Variants in RHOBTB1 observed in about 807,000 individuals in gnomAD.
RHOBTB1 encodes rho-related BTB domain-containing protein 1.
RHOBTB1 carries 40 observed loss-of-function variants against 71.6 expected under a neutral mutation model. That is an observed-to-expected ratio of 0.56 (90% CI 0.43 to 0.73). The LOEUF (loss-of-function observed/expected upper bound fraction) is 0.73. Ranked by LOEUF, RHOBTB1 falls within the 30% of genes least tolerant of loss-of-function variation. RHOBTB1 has a pLI of 0.00. For synonymous variants in RHOBTB1, 319 were observed against 334.9 expected, an observed-to-expected ratio of 0.95 and a Z score of 0.52; for missense variants, 797 against 894.0, an observed-to-expected ratio of 0.89 and a Z score of 1.38.
chr10:60,950,508 G>C (rs2085374627), intron 2 of RHOBTB1, among the ~76,000 whole-genome samples: 1 of 152,152 alleles, frequency 6.6e-6, no homozygotes, highest in Non-Finnish European at 1.5e-5. Context: ...AGGGATCAGA[G>C]GGTAACAGAA....
At chr10:60,866,131 C>T (rs1191378967), downstream of RHOBTB1, among the ~76,000 whole-genome samples, 1 of 152,180 alleles carries the variant, frequency 6.6e-6, no homozygotes. Flanking sequence ...TGTGCCCAGC[C>T]TGGAATTCAT....
At chr10:60,912,421 A>G (rs2083041338) in intron 2 of RHOBTB1, among the ~76,000 whole-genome samples, 1 of 151,934 alleles carries the variant, frequency 6.6e-6, no homozygotes, top group Admixed American at 6.6e-5. Context: ...TTTAGTAGAG[A>G]TGGGGTTTTA....
At chr10:60,864,088 C>G in the RHOBTB1 span, among the ~76,000 whole-genome samples, 2 of 152,170 alleles carry the variant, frequency 1.3e-5, no homozygotes, top group East Asian at 3.9e-4. Context: ...CCAGATCACC[C>G]CTTGAGACCA....
chr10:60,862,173 TTTC>T, the RHOBTB1 span, among the ~76,000 whole-genome samples: 2 of 151,376 alleles, frequency 1.3e-5, no homozygotes, highest in South Asian at 2.1e-4. Context: ...TCTCTCTTTC[TTTC>T]TTTTCTTTTT....
chr10:60,952,066 AC>A (rs530939355), intron 2 of RHOBTB1, among the ~76,000 whole-genome samples: 131 of 120,004 alleles, frequency 1.1e-3, no homozygotes, highest in African/African-American at 3.4e-3. Context: ...ACAGCCCCCC[AC>A]CCCCCCAAAA....
chr10:61,001,007 A>C (rs571812649), intron 1 of RHOBTB1, among the ~76,000 whole-genome samples: 14 of 151,872 alleles, frequency 9.2e-5, no homozygotes, highest in Admixed American at 2.0e-4. Context: ...CAGTGACTTT[A>C]TCTCTCTAAT....
At chr10:60,996,200 A>G (rs1255714038) in intron 1 of RHOBTB1, among the ~76,000 whole-genome samples, 2 of 152,076 alleles carry the variant, frequency 1.3e-5, no homozygotes, top group Non-Finnish European at 2.9e-5. Context: ...TGTTCTCCCC[A>G]CTTACATATC....
intron 1 of RHOBTB1, among the ~76,000 whole-genome samples, chr10:60,990,907 C>G (rs1360608319): frequency 2.0e-5 from 3 of 152,226 alleles, no homozygotes; most frequent in Non-Finnish European, 4.4e-5. Flanking sequence ...CGTGATGTCT[C>G]AAGACATCTC....
rs201037236 is a variant in RHOBTB1 at position 60,888,445 on chromosome 10, G to A, written c.1223C>T (p.Pro408Leu). 5.0e-6 allele frequency: 8 copies of A among 1,614,158 alleles called. No individual in the cohort carries two copies. The highest frequency in any genetic ancestry group is 1.3e-5 in the African/African-American group (1 of 75,050). The change falls in exon 6 of 11, where the codon CCA (proline) becomes CTA (leucine). Residue 408 changes from proline to leucine, a missense_variant. Coordinates refer to ENST00000337910, the MANE Select transcript of RHOBTB1 (RefSeq NM_014836.5). ...CTGGAGCAGGGTCCGAAAAGGGCCT[G>A]GCTGGACTGAAGCGTCCATCCTGAC... ...TVVRMDASVQ[P>L]GPFRTLLQFL...
At chr10:60,964,483 C>A (rs2085892189) in intron 2 of RHOBTB1, among the ~76,000 whole-genome samples, 1 of 152,154 alleles carries the variant, frequency 6.6e-6, no homozygotes, top group Admixed American at 6.6e-5. Flanking sequence ...TGCTGTATAA[C>A]CCTTAAAAAC....
chr10:60,994,311 T>C (rs981096469), intron 1 of RHOBTB1, among the ~76,000 whole-genome samples: 3 of 152,080 alleles, frequency 2.0e-5, no homozygotes, highest in Admixed American at 6.5e-5. Context: ...TATACTACAA[T>C]AAATAAAACA....
intron 5 of RHOBTB1, among the ~76,000 whole-genome samples, chr10:60,889,988 C>T (rs573354781): frequency 3.9e-4 from 59 of 152,278 alleles, no homozygotes; most frequent in African/African-American, 1.4e-3. Context: ...CATTCATATA[C>T]ATTTTTCATG....
upstream of RHOBTB1, among the ~76,000 whole-genome samples, chr10:60,946,859 G>A (rs2085255643): frequency 6.6e-6 from 1 of 152,210 alleles, no homozygotes; most frequent in Non-Finnish European, 1.5e-5. Flanking sequence ...AGTCAGCCAT[G>A]TTGGAATTAC....
At chr10:60,990,177 G>A (rs2134944520) in intron 1 of RHOBTB1, among the ~76,000 whole-genome samples, 1 of 151,970 alleles carries the variant, frequency 6.6e-6, no homozygotes, top group South Asian at 2.1e-4. Context: ...TAGAGTCGGG[G>A]TTTCACCATG....
intron 2 of RHOBTB1, among the ~76,000 whole-genome samples, chr10:60,968,582 G>A (rs2086050313): frequency 1.3e-5 from 2 of 152,098 alleles, no homozygotes; most frequent in Non-Finnish European, 2.9e-5. Flanking sequence ...AGCAGGAGAG[G>A]TGTACACAAG....
intron 2 of RHOBTB1, among the ~76,000 whole-genome samples, chr10:60,967,396 G>A (rs2086006731): frequency 6.7e-6 from 1 of 150,284 alleles, no homozygotes. Flanking sequence ...GGGTTCAAGC[G>A]ATTCTTGCAC....
intron 6 of RHOBTB1, among the ~76,000 whole-genome samples, chr10:60,887,669 C>A (rs905762319): frequency 6.6e-6 from 1 of 152,172 alleles, no homozygotes. Context: ...AGATGAGACA[C>A]CCCTTGTAGG....
intron 1 of RHOBTB1, among the ~76,000 whole-genome samples, chr10:60,988,955 G>T (rs2086765339): frequency 6.6e-6 from 1 of 152,152 alleles, no homozygotes; most frequent in Non-Finnish European, 1.5e-5. Flanking sequence ...TTGCTATCAG[G>T]AAGTTTACAG....
intron 7 of RHOBTB1, among the ~76,000 whole-genome samples, chr10:60,882,260 T>C (rs2081362130): frequency 6.6e-6 from 1 of 151,954 alleles, no homozygotes; most frequent in Non-Finnish European, 1.5e-5. Context: ...CAATGTTCTA[T>C]CTTGCAGTTT....
Sources: allele counts gnomAD v4.1 joint callset (sites outside exome capture counted in the v4.1 genomes callset), GRCh38; gene constraint gnomAD v4.1.1; transcripts MANE v1.5; gene names NCBI Gene and HGNC (gene_info 2026-07-23, HGNC 2026-07-21).